The following ASTN1 variants were observed in gnomAD, a reference collection of about 807,000 sequenced individuals.
ASTN1 encodes astrotactin 1.
Under a neutral mutation model 140.7 loss-of-function variants are expected in ASTN1, and 41 were observed. That is an observed-to-expected ratio of 0.29 (90% CI 0.23 to 0.38). The LOEUF is 0.38. ASTN1 is among the 10% of genes least tolerant of loss of function. ASTN1 has a pLI of 1.00. For synonymous variants in ASTN1, 640 were observed against 652.2 expected, an observed-to-expected ratio of 0.98 and a Z score of 0.29; for missense variants, 1,479 against 1,678.8, an observed-to-expected ratio of 0.88 and a Z score of 2.08.
intron 8 of ASTN1, among the ~76,000 whole-genome samples, chr1:176,967,822 A>T (rs1432463281): frequency 6.6e-6 from 1 of 152,164 alleles, no homozygotes; most frequent in Non-Finnish European, 1.5e-5. Context: ...AAGAAAATCA[A>T]CTCAAATTGG....
chr1:176,867,267 C>T (rs748555157), intron 22 of ASTN1, among the ~76,000 whole-genome samples: 18 of 150,218 alleles, frequency 1.2e-4, no homozygotes, highest in Non-Finnish European at 1.5e-4. Context: ...TGAAAAAGAA[C>T]GGTATATATA....
intron 1 of ASTN1, among the ~76,000 whole-genome samples, chr1:177,161,193 C>T (rs1238972064): frequency 1.3e-5 from 2 of 152,128 alleles, no homozygotes; most frequent in South Asian, 2.1e-4. Flanking sequence ...TCAAGTCAGC[C>T]CTTTCTGCCT....
At chr1:176,960,980 G>A (rs1303633744) in intron 9 of ASTN1, among the ~76,000 whole-genome samples, 1 of 152,076 alleles carries the variant, frequency 6.6e-6, no homozygotes, top group Non-Finnish European at 1.5e-5. Context: ...GATGAGTTGT[G>A]CCTGTCTCTT....
chr1:176,985,843 T>A (rs1358619020), intron 8 of ASTN1, among the ~76,000 whole-genome samples: 1 of 138,264 alleles, frequency 7.2e-6, no homozygotes, highest in Non-Finnish European at 1.5e-5. Context: ...TCTCTCTCTC[T>A]CTACACACAC....
chr1:177,108,375 A>T (rs1571795118), intron 1 of ASTN1, among the ~76,000 whole-genome samples: 1 of 151,908 alleles, frequency 6.6e-6, no homozygotes. Context: ...AAGAAAAGAA[A>T]AAAAGAAATT....
intron 8 of ASTN1, among the ~76,000 whole-genome samples, chr1:176,988,556 A>G (rs1192427153): frequency 6.6e-6 from 1 of 152,192 alleles, no homozygotes; most frequent in Non-Finnish European, 1.5e-5. Context: ...CTATCCAAAC[A>G]TAAATGTGTT....
chr1:176,983,072 G>C (rs1673703234), intron 8 of ASTN1, among the ~76,000 whole-genome samples: 1 of 152,162 alleles, frequency 6.6e-6, no homozygotes, highest in South Asian at 2.1e-4. Flanking sequence ...TATGATGTTG[G>C]GGTGGGTGAA....
chr1:177,124,168 G>A (rs976366703), intron 1 of ASTN1, among the ~76,000 whole-genome samples: 1 of 152,124 alleles, frequency 6.6e-6, no homozygotes, highest in African/African-American at 2.4e-5. Flanking sequence ...CCACTAGGAT[G>A]AGTACATCAG....
chr1:177,103,155 G>A lies in ASTN1; in HGVS notation c.284-41890C>T, dbSNP rs142432197. On this transcript the variant is annotated intron_variant, in intron 1 of 22. Transcript: ENST00000361833. ...TGAGCATTAGTGCAGAAAGCACTGA[G>A]TGATGCAAATTGGTGTTGGTCTTAT... 4.9e-3 allele frequency among the ~76,000 whole-genome samples: 748 copies of A among 152,360 alleles called. 13 individuals carry two copies. The highest frequency in any genetic ancestry group is 0.017 in the African/African-American group (700 of 41,588).
At position 176,868,991 on chromosome 1, in the gene ASTN1, T is replaced by C; in HGVS notation, c.3500A>G (p.Tyr1167Cys). 6.2e-7 allele frequency: 1 copy of C among 1,608,014 alleles called. No individual in the cohort carries two copies. The highest frequency in any genetic ancestry group is 8.5e-7 in the Non-Finnish European group (1 of 1,176,482). Residue 1167 changes from tyrosine to cysteine, a missense_variant, in exon 22 of 23, where the codon TAC becomes TGC. Physicochemically the swap from Tyr to Cys is radical, Grantham distance 194. Coordinates refer to ENST00000361833, the MANE Select transcript of ASTN1 (RefSeq NM_004319.3). Reference sequence around the variant, plus strand: ...GGTCTGCTGCTCCTTCCCACTAGTGTAGCCATTGAAGAGATTGTAGATCTT... The same window carrying C: ...GGTCTGCTGCTCCTTCCCACTAGTGCAGCCATTGAAGAGATTGTAGATCTT... ...ADKIYNLFNG[Y>C]TSGKEQQTAY...
downstream of ASTN1, chr1:176,857,410 A>G: frequency 2.5e-6 from 1 of 399,370 alleles, no homozygotes; most frequent in Non-Finnish European, 4.4e-6. Context: ...AAGATGAGAA[A>G]CCAATTAGGA....
At chr1:177,040,191 A>G (rs1676906224) in intron 2 of ASTN1, among the ~76,000 whole-genome samples, 1 of 152,246 alleles carries the variant, frequency 6.6e-6, no homozygotes, top group Non-Finnish European at 1.5e-5. Flanking sequence ...CATATTAAGT[A>G]GCAAGTTTGA....
At chr1:176,942,051 G>T (rs1388175849) in intron 14 of ASTN1, among the ~76,000 whole-genome samples, 1 of 152,156 alleles carries the variant, frequency 6.6e-6, no homozygotes, top group Non-Finnish European at 1.5e-5. Context: ...TGCTGGTCCA[G>T]AATATATTTA....
chr1:177,100,377 C>G (rs560418848), intron 1 of ASTN1, among the ~76,000 whole-genome samples: 2 of 152,184 alleles, frequency 1.3e-5, no homozygotes, highest in South Asian at 2.1e-4. Flanking sequence ...ACATTTAAGA[C>G]AAGTGACAGC....
chr1:177,141,230 CA>C (rs1263596285), intron 1 of ASTN1, among the ~76,000 whole-genome samples: 1 of 151,798 alleles, frequency 6.6e-6, no homozygotes, highest in Non-Finnish European at 1.5e-5. Context: ...AACAAACAAA[CA>C]AACAAAAAAA....
chr1:176,896,624 A>G (rs1035996979), intron 16 of ASTN1, among the ~76,000 whole-genome samples: 2 of 152,154 alleles, frequency 1.3e-5, no homozygotes, highest in African/African-American at 2.4e-5. Context: ...ACAGCCCTTC[A>G]TTAATGCCTC....
chr1:177,016,332 G>C (rs927071689), intron 7 of ASTN1, among the ~76,000 whole-genome samples: 5 of 121,890 alleles, frequency 4.1e-5, no homozygotes, highest in African/African-American at 1.2e-4. Context: ...AAAAAAAAAA[G>C]CCCACAGGGA....
At chr1:177,157,717 C>T (rs955711780) in intron 1 of ASTN1, among the ~76,000 whole-genome samples, 1 of 152,114 alleles carries the variant, frequency 6.6e-6, no homozygotes, top group Non-Finnish European at 1.5e-5. Context: ...CACCCTCTCC[C>T]TTCACACAAT....
intron 16 of ASTN1, among the ~76,000 whole-genome samples, chr1:176,913,728 G>T (rs1670353422): frequency 6.6e-6 from 1 of 152,194 alleles, no homozygotes; most frequent in Non-Finnish European, 1.5e-5. Context: ...AACTTTTATA[G>T]ACAGAAGTGA....
Sources: allele counts gnomAD v4.1 joint callset (sites outside exome capture counted in the v4.1 genomes callset), GRCh38; gene constraint gnomAD v4.1.1; transcripts MANE v1.5; gene names NCBI Gene and HGNC (gene_info 2026-07-23, HGNC 2026-07-21).